Variants in ROBO1 observed in about 807,000 individuals in gnomAD.
The protein encoded by ROBO1 is roundabout guidance receptor 1, also known as roundabout homolog 1.
In ROBO1, 149 loss-of-function variants were observed where a neutral mutation model predicts 195.9. The observed-to-expected ratio is 0.76, with a 90% CI of 0.67 to 0.87. The LOEUF (loss-of-function observed/expected upper bound fraction) is 0.87, where lower values mean the gene tolerates loss of function less well. Among genes scored for constraint, ROBO1 ranks in the 40% least tolerant of loss-of-function variants. The pLI is 0.00. For missense variants in ROBO1, 1,933 were observed against 2,068.3 expected, an observed-to-expected ratio of 0.93 and a Z score of 1.27; for synonymous variants, 816 against 733.2, an observed-to-expected ratio of 1.11 and a Z score of -1.82.
At chr3:79,464,362 G>T (rs1275188350) in intron 2 of ROBO1, among the ~76,000 whole-genome samples, 3 of 152,260 alleles carry the variant, frequency 2.0e-5, no homozygotes, top group East Asian at 1.9e-4. Context: ...CAAAGTGGTT[G>T]CACTACTTTA....
intron 21 of ROBO1, among the ~76,000 whole-genome samples, chr3:78,640,491 G>C (rs548476115): frequency 2.0e-4 from 30 of 152,170 alleles, no homozygotes; most frequent in Non-Finnish European, 3.1e-4. Context: ...TTTTCTGATG[G>C]TGACAATGTA....
intron 2 of ROBO1, among the ~76,000 whole-genome samples, chr3:79,506,117 G>T (rs1310774567): frequency 2.0e-5 from 3 of 151,938 alleles, no homozygotes; most frequent in Non-Finnish European, 2.9e-5. Context: ...GAGATCACAG[G>T]TTTATTTATT....
intron 3 of ROBO1, among the ~76,000 whole-genome samples, chr3:79,011,656 G>A (rs1304352690): frequency 7.4e-5 from 11 of 147,884 alleles, no homozygotes; most frequent in Non-Finnish European, 1.6e-4. Flanking sequence ...TTTTCATAAT[G>A]TTTTATATAT....
intron 2 of ROBO1, among the ~76,000 whole-genome samples, chr3:79,316,748 T>C (rs1353565848): frequency 6.6e-6 from 1 of 151,954 alleles, no homozygotes; most frequent in Non-Finnish European, 1.5e-5. Context: ...TATTTTACTC[T>C]TTTACTTATT....
At chr3:79,422,836 A>G (rs2038285589) in intron 2 of ROBO1, among the ~76,000 whole-genome samples, 2 of 152,230 alleles carry the variant, frequency 1.3e-5, no homozygotes, top group South Asian at 4.1e-4. Context: ...ATCTTTGCTC[A>G]TTTTTATTTC....
intron 3 of ROBO1, among the ~76,000 whole-genome samples, chr3:78,999,405 A>C (rs2077445092): frequency 1.3e-5 from 2 of 152,186 alleles, no homozygotes; most frequent in African/African-American, 4.8e-5. Context: ...ACATGGATAC[A>C]GCTGAAAGCC....
chr3:78,885,924 T>TATATATATATATATATATATAC (rs2036537089), intron 4 of ROBO1, among the ~76,000 whole-genome samples: 2 of 144,336 alleles, frequency 1.4e-5, no homozygotes, highest in Non-Finnish European at 3.0e-5. Context: ...TATATATATA[T>TATATATATATATATATATATAC]ATATATATAT....
At chr3:78,601,283 T>A (rs1703155059) in intron 29 of ROBO1, among the ~76,000 whole-genome samples, 1 of 152,156 alleles carries the variant, frequency 6.6e-6, no homozygotes, top group Non-Finnish European at 1.5e-5. Context: ...TAGCTCACCA[T>A]CACCAGTTCT....
At chr3:79,157,299 A>C (rs943521290) in intron 2 of ROBO1, among the ~76,000 whole-genome samples, 3 of 151,900 alleles carry the variant, frequency 2.0e-5, no homozygotes, top group Non-Finnish European at 4.4e-5. Context: ...TGTTCTGCAT[A>C]GCACATCATG....
intron 2 of ROBO1, among the ~76,000 whole-genome samples, chr3:79,400,063 A>G (rs1042924790): frequency 6.6e-6 from 1 of 152,128 alleles, no homozygotes; most frequent in South Asian, 2.1e-4. Context: ...TGTTCTGATC[A>G]GTCCTCTGAA....
At chr3:79,557,730 T>TAAAAAAAAAAAAAA (rs368317896) in intron 2 of ROBO1, among the ~76,000 whole-genome samples, 1 of 110,552 alleles carries the variant, frequency 9.0e-6, no homozygotes. Context: ...GAGACTGTCT[T>TAAAAAAAAAAAAAA]AAAACAAAAA....
intron 3 of ROBO1, among the ~76,000 whole-genome samples, chr3:79,083,396 C>G (rs1381599437): frequency 6.6e-6 from 1 of 152,064 alleles, no homozygotes; most frequent in African/African-American, 2.4e-5. Flanking sequence ...CATTGTTGTG[C>G]TATATATAGA....
intron 3 of ROBO1, chr3:79,018,738 A>C: frequency 1.7e-6 from 2 of 1,207,966 alleles, no homozygotes; most frequent in South Asian, 4.8e-5. Flanking sequence ...CAAAGCGAAC[A>C]ACAAAGAGCC....
Position 78,618,016 on chromosome 3 carries a change from G to T in ROBO1, c.3901C>A (p.Pro1301Thr), listed in dbSNP as rs773589695. 1 of 1,613,188 alleles carries T rather than the reference G, an allele frequency of 6.2e-7. No homozygotes were observed. ...RRRQPVSPPP[P>T]PRPISPPHTY... ...TGTGGAGGGGAGATCGGCCGTGGTG[G>T]TGGAGGAGGACTCACAGGCTGCCGT... The change falls in exon 27 of 31, where the codon CCA (proline) becomes ACA (threonine). Residue 1301 changes from proline to threonine, a missense_variant. By Grantham distance (38) the Pro-to-Thr change is conservative. Around this residue, in one of 3 missense-constraint regions of ROBO1, gnomAD observed 1,737 missense variants for 1,882.5 expected, o/e 0.92. Coordinates refer to ENST00000464233, the MANE Select transcript of ROBO1 (RefSeq NM_002941.4).
chr3:78,721,147 A>C (rs934293845), intron 5 of ROBO1, among the ~76,000 whole-genome samples: 3 of 152,218 alleles, frequency 2.0e-5, no homozygotes, highest in African/African-American at 7.2e-5. Flanking sequence ...ACAAATGAAA[A>C]TAAATGCACA....
intron 4 of ROBO1, among the ~76,000 whole-genome samples, chr3:78,858,356 T>C (rs111464681): frequency 1.3e-4 from 20 of 152,144 alleles, no homozygotes; most frequent in African/African-American, 4.8e-4. Context: ...AACTATGCTG[T>C]CACCTAAACT....
intron 4 of ROBO1, among the ~76,000 whole-genome samples, chr3:78,809,216 A>T (rs1576208236): frequency 6.6e-6 from 1 of 152,334 alleles, no homozygotes; most frequent in East Asian, 1.9e-4. Context: ...GAAGATATTT[A>T]TGTGACCAAC....
chr3:79,612,067 T>C (rs926351159), intron 1 of ROBO1, among the ~76,000 whole-genome samples: 19 of 151,848 alleles, frequency 1.3e-4, no homozygotes, highest in African/African-American at 4.1e-4. Context: ...ATAGGGTACA[T>C]GTGCACATTG....
intron 4 of ROBO1, among the ~76,000 whole-genome samples, chr3:78,933,050 A>G (rs533021345): frequency 1.3e-5 from 2 of 152,122 alleles, no homozygotes; most frequent in Non-Finnish European, 2.9e-5. Context: ...GAAAAAGAAG[A>G]AGCTAACTAA....
Sources: gnomAD v4.1 joint callset for allele counts (sites outside exome capture counted in the v4.1 genomes callset) on GRCh38, gnomAD v4.1.1 for gene constraint, gnomAD v4.1.1 regional missense constraint, MANE v1.5 for transcripts, NCBI Gene and HGNC (gene_info 2026-07-23, HGNC 2026-07-21) for gene names.